PRCD: variants seen among roughly 807,000 people sequenced by gnomAD.
PRCD encodes photoreceptor disk component PRCD.
In PRCD, 12 loss-of-function variants were observed where a neutral mutation model predicts 10.1. That is an observed-to-expected ratio of 1.18 (90% CI 0.76 to 1.92). The LOEUF (loss-of-function observed/expected upper bound fraction) is 1.92, where lower values mean the gene tolerates loss of function less well. Ranked by LOEUF, PRCD falls within the 40% of genes most tolerant of loss-of-function variation. PRCD has a pLI of 0.00. For missense variants in PRCD, 61 were observed against 72.2 expected, an observed-to-expected ratio of 0.84 and a Z score of 0.56; for synonymous variants, 31 against 26.2, an observed-to-expected ratio of 1.18 and a Z score of -0.56.
upstream of PRCD, among the ~76,000 whole-genome samples, chr17:76,539,471 T>C (rs1876120621): frequency 6.6e-6 from 1 of 152,206 alleles, no homozygotes; most frequent in South Asian, 2.1e-4. Flanking sequence ...ATCAGAAAAG[T>C]TTGGAGAGGA....
downstream of PRCD, chr17:76,545,620 C>T: frequency 3.0e-6 from 1 of 333,646 alleles, no homozygotes; most frequent in Non-Finnish European, 5.9e-6. Flanking sequence ...CCAGCACATC[C>T]TACCTCTGTG....
upstream of PRCD, among the ~76,000 whole-genome samples, chr17:76,536,998 G>A (rs2074922424): frequency 6.6e-6 from 1 of 152,178 alleles, no homozygotes; most frequent in African/African-American, 2.4e-5. Context: ...TCTTTGTCCC[G>A]CTTCTTGGCT....
upstream of PRCD, among the ~76,000 whole-genome samples, chr17:76,539,873 A>C (rs898710042): frequency 6.6e-6 from 1 of 152,180 alleles, no homozygotes; most frequent in African/African-American, 2.4e-5. Flanking sequence ...GCCCAGTCTC[A>C]TCAGATCGAG....
At chr17:76,546,450 T>TGTGTGTGTGTGTGTGTGTG (rs59245044), downstream of PRCD, 2 of 149,730 alleles carry the variant, frequency 1.3e-5, no homozygotes, top group East Asian at 2.0e-4. This position sits in a 1 kb window ranked among gnomAD's most constrained non-coding sequence, Gnocchi z 4.5. Context: ...TGTGTGTGGT[T>TGTGTGTGTGTGTGTGTGTG]TGTGTGTGTG....
chr17:76,531,216 C>G lies in PRCD; in HGVS notation n.45+3383C>G. The G allele has an allele frequency of 6.8e-7, 1 of 1,463,478 alleles. No homozygotes were observed. The highest frequency in any genetic ancestry group is 2.3e-5 in the East Asian group (1 of 43,158). The allele number at this position is 1,463,478 out of a possible 1,614,324, so 90.7% of individuals were successfully genotyped here. A position where few individuals can be genotyped will look rare whatever the true frequency, so the allele number is the denominator to read the frequency against. Reference sequence around the variant, plus strand: ...CCTGCAACCCCCAGGCCCCTCCGCCCCACGTGTGGCCGAGAGGATCATTCC... The same window carrying G: ...CCTGCAACCCCCAGGCCCCTCCGCCGCACGTGTGGCCGAGAGGATCATTCC... On this transcript the variant is annotated intron_variant and non_coding_transcript_variant, in intron 1 of 4. Transcript: ENST00000397633. The surrounding 1 kb of genome is among the most constrained non-coding windows in gnomAD (Gnocchi z 7.4).
Position 76,528,556 on chromosome 17 carries a change from G to T in PRCD, n.45+723G>T. The T allele has an allele frequency of 7.8e-7, 1 of 1,289,340 alleles. No individual in the cohort carries two copies. Among genetic ancestry groups the T allele is most frequent in the Non-Finnish European group, 9.9e-7 (1 of 1,010,542 alleles). 79.9% of individuals were successfully genotyped at this position (1,289,340 alleles called of 1,614,324 possible). On this transcript the variant is annotated intron_variant and non_coding_transcript_variant, in intron 1 of 4. Coordinates refer to the PRCD transcript ENST00000397633. This position sits in a 1 kb window ranked among gnomAD's most constrained non-coding sequence, Gnocchi z 5.8. ...GCCTTCTGCTCGAGGTGCTGCCAGG[G>T]AGGGGGGTGGAGTTAGGGGTCCTAC...
Position 76,528,942 on chromosome 17 carries a change from C to T in PRCD, n.45+1109C>T. On this transcript the variant is annotated intron_variant and non_coding_transcript_variant, in intron 1 of 4. Transcript: ENST00000397633. This position sits in a 1 kb window ranked among gnomAD's most constrained non-coding sequence, Gnocchi z 5.8. ...AATGTGAGCTCTTTTTCCATTAATT[C>T]TGAAACGTGGCGCATTCTGTCCGGC... is the stretch of plus-strand genomic sequence containing the variant. 1.8e-6 allele frequency: 2 copies of T among 1,111,688 alleles called. No homozygotes were observed. Among genetic ancestry groups the T allele is most frequent in the African/African-American group, 3.2e-5 (2 of 61,724 alleles). 68.9% of individuals were successfully genotyped at this position (1,111,688 alleles called of 1,614,324 possible). A position where few individuals can be genotyped will look rare whatever the true frequency, so the allele number is the denominator to read the frequency against.
At chr17:76,538,089 G>C (rs572681063), upstream of PRCD, 2 of 153,066 alleles carry the variant, frequency 1.3e-5, no homozygotes, top group Admixed American at 1.3e-4. Flanking sequence ...GGCGTCGCGA[G>C]TGTGCGCGTG....
chr17:76,537,967 G>C (rs1480788449), upstream of PRCD: 2 of 151,288 alleles, frequency 1.3e-5, no homozygotes, highest in Admixed American at 1.3e-4. Flanking sequence ...CGGGGCGCTG[G>C]GGGTCCCGGG....
chr17:76,543,728 G>A (rs1014256850), intron 4 of PRCD, 75 bp from the exon 5 acceptor site: 8 of 467,974 alleles, frequency 1.7e-5, no homozygotes, highest in African/African-American at 1.0e-4. Context: ...CTGTTAAGCC[G>A]CCACTTGTGG....
upstream of PRCD, chr17:76,537,539 C>T (rs2074933249): frequency 1.3e-6 from 2 of 1,546,618 alleles, no homozygotes; most frequent in Admixed American, 3.8e-5. Flanking sequence ...GGCACTTTCT[C>T]CATGAGCAGC....
In PRCD at chr17:76,531,649, C is replaced by T. The variant is rs552944771; in HGVS notation, n.45+3816C>T. On this transcript the variant is annotated intron_variant and non_coding_transcript_variant, in intron 1 of 4. Transcript: ENST00000397633. This position sits in a 1 kb window ranked among gnomAD's most constrained non-coding sequence, Gnocchi z 7.4. ...CCAGGGGATCCTCCATGTGCTTGAA[C>T]TGGCTGAAGTACTGCTTGGCCGAGG... 28 of 1,610,000 alleles carry T rather than the reference C, an allele frequency of 1.7e-5. No individual in the cohort carries two copies. In the South Asian group the frequency reaches 2.7e-4, roughly 16 times the overall value.
downstream of PRCD, among the ~76,000 whole-genome samples, chr17:76,547,544 GT>G (rs1248859101): frequency 3.3e-5 from 5 of 152,140 alleles, no homozygotes; most frequent in African/African-American, 1.2e-4. Flanking sequence ...GATGACTGTA[GT>G]GGGGGACTGA....
intron 1 of PRCD, chr17:76,527,924 G>C (rs918209487): frequency 3.0e-5 from 12 of 399,942 alleles, no homozygotes; most frequent in African/African-American, 2.3e-4. Flanking sequence ...TCTGAGAAGG[G>C]GCTGGGCTTT....
At chr17:76,550,262 GTTCT>G (rs1208516601), downstream of PRCD, 2 of 146,552 alleles carry the variant, frequency 1.4e-5, no homozygotes, top group South Asian at 2.2e-4. Context: ...AGCCTAGAAG[GTTCT>G]TTTTTTTTTT....
In PRCD at chr17:76,542,606, A is replaced by T; in HGVS notation, c.*32A>T. 6.2e-7 allele frequency: 1 copy of T among 1,613,772 alleles called. No homozygotes were observed. The highest frequency in any genetic ancestry group is 1.1e-5 in the South Asian group (1 of 91,076). On this transcript the variant is annotated 3_prime_UTR_variant, in exon 3 of 5. Coordinates refer to ENST00000592014, the MANE Select transcript of PRCD (RefSeq NM_001077620.3). ...ACCTCTGCAGGTGGGGCTCAGGCCCAGAGACTGGGATCAGCTGGCTCAGGC... is the reference window on the plus strand; with the variant it reads ...ACCTCTGCAGGTGGGGCTCAGGCCCTGAGACTGGGATCAGCTGGCTCAGGC...
Position 76,530,099 on chromosome 17 carries a change from G to C in PRCD, n.45+2266G>C, listed in dbSNP as rs2074817802. 1 of 979,232 alleles carries C rather than the reference G, an allele frequency of 1.0e-6. No individual in the cohort carries two copies. The highest frequency in any genetic ancestry group is 6.2e-5 in the Admixed American group (1 of 16,216). 60.7% of individuals were successfully genotyped at this position (979,232 alleles called of 1,614,324 possible). ...GACGCCGCCTTTTCCATGGGAAACT[G>C]CTGGGAATGTTTCTCTACCACGGGA... On this transcript the variant is annotated intron_variant and non_coding_transcript_variant, in intron 1 of 4. Coordinates refer to the PRCD transcript ENST00000397633. The surrounding 1 kb of genome is among the most constrained non-coding windows in gnomAD (Gnocchi z 6.1).
rs1231280167 is a variant in PRCD, at chr17:76,530,296, C to T, written n.45+2463C>T. On this transcript the variant is annotated intron_variant and non_coding_transcript_variant, in intron 1 of 4. Transcript: ENST00000397633. This position sits in a 1 kb window ranked among gnomAD's most constrained non-coding sequence, Gnocchi z 6.1. ...GGCCGAGTGTTCCCAACCGCCACAT[C>T]TGGGGGCTAGCCCTCCCCTCACGCT... Among the ~76,000 whole-genome samples the T allele has an allele frequency of 1.3e-5, 2 of 152,062 alleles. No homozygotes were observed. The highest frequency in any genetic ancestry group is 2.9e-5 in the Non-Finnish European group (2 of 67,984).
rs200693197 is a variant in PRCD at position 76,531,054 on chromosome 17, C to T, written n.45+3221C>T. The stretch of plus-strand genomic sequence containing the variant: ...GGTCACGTGGCTGTAGATGAGGCCA[C>T]GCAGCTTGGCCCAGGCTCTCTGCGT... On this transcript the variant is annotated intron_variant and non_coding_transcript_variant, in intron 1 of 4. Transcript: ENST00000397633. The surrounding 1 kb of genome is among the most constrained non-coding windows in gnomAD (Gnocchi z 7.4). 3.2e-5 allele frequency: 51 copies of T among 1,613,652 alleles called. No homozygotes were observed. The highest frequency in any genetic ancestry group is 6.7e-5 in the East Asian group (3 of 44,862).
Sources: gnomAD v4.1 joint callset for allele counts (sites outside exome capture counted in the v4.1 genomes callset) on GRCh38, gnomAD v4.1.1 for gene constraint, Gnocchi (gnomAD v3.1) non-coding constraint, MANE v1.5 for transcripts, NCBI Gene and HGNC (gene_info 2026-07-23, HGNC 2026-07-21) for gene names.